The following PTN variants were observed in gnomAD, a reference collection of about 807,000 sequenced individuals.
PTN encodes the protein pleiotrophin.
Under a neutral mutation model 24.1 loss-of-function variants are expected in PTN, and 18 were observed. The ratio of observed to expected loss-of-function variants is 0.75; its 90% CI spans 0.52 to 1.11. The LOEUF (loss-of-function observed/expected upper bound fraction) is 1.11, where lower values mean the gene tolerates loss of function less well. Ranked by LOEUF, PTN falls within the 50% of genes least tolerant of loss-of-function variation. PTN has a pLI of 0.00. For missense variants in PTN, 163 were observed against 198.8 expected (o/e 0.82, Z 1.08); for synonymous variants, 78 against 68.6 (o/e 1.14, Z -0.67).
intron 3 of PTN, 116 bp downstream of exon 3, chr7:137,253,348 G>T: frequency 8.9e-7 from 1 of 1,127,136 alleles, no homozygotes; most frequent in Non-Finnish European, 1.2e-6. Context: ...GTCACTTTGT[G>T]TCTGGTAAGA....
At chr7:137,247,414 C>T (rs138024955) in intron 4 of PTN, among the ~76,000 whole-genome samples, 1 of 152,194 alleles carries the variant, frequency 6.6e-6, no homozygotes, top group Non-Finnish European at 1.5e-5. Flanking sequence ...ATAAGACAGG[C>T]ACAGAAAGAG....
chr7:137,283,122 G>A lies in PTN; in HGVS notation c.-1-28148C>T, dbSNP rs78169501. Among the ~76,000 whole-genome samples, 1,235 of 152,250 alleles carry A rather than the reference G, an allele frequency of 8.1e-3. 19 individuals are homozygous for A. Among genetic ancestry groups the A allele is most frequent in the African/African-American group, 0.028 (1,163 of 41,538 alleles). ...TCCCATCCCACAAGGTTCCCACACT[G>A]CTAGGAAGTGTCCACATGGGTACTA... is the stretch of plus-strand genomic sequence containing the variant. On this transcript the variant is annotated intron_variant, in intron 1 of 4. Transcript: ENST00000348225.
In PTN at chr7:137,254,920, C is replaced by T. The variant is rs1460642372; in HGVS notation, c.54G>A (p.Leu18=). Residue 18 remains leucine, a synonymous_variant, in exon 2 of 5, where the codon TTG becomes TTA. Coordinates refer to ENST00000348225, the MANE Select transcript of PTN (RefSeq NM_002825.7). ...CAGCTGCCAGTATGAAAATGAATGC[C>T]AAGAAGGCAGCTGCAAATTTTCGAC... ...QQRRKFAAAF[L]AFIFILAAVD... 6.3e-7 allele frequency: 1 copy of T among 1,581,734 alleles called. No homozygotes were observed. The highest frequency in any genetic ancestry group is 8.6e-7 in the Non-Finnish European group (1 of 1,156,252).
At chr7:137,324,071 CT>C (rs1324234126) in intron 1 of PTN, among the ~76,000 whole-genome samples, 1 of 152,016 alleles carries the variant, frequency 6.6e-6, no homozygotes, top group African/African-American at 2.4e-5. Flanking sequence ...GTTGTAGAGG[CT>C]GGTCTAGAAC....
At chr7:137,243,569 C>T (rs1585008584) in intron 4 of PTN, among the ~76,000 whole-genome samples, 1 of 152,170 alleles carries the variant, frequency 6.6e-6, no homozygotes, top group Non-Finnish European at 1.5e-5. Flanking sequence ...AGCTTCCCTT[C>T]TTGTGTTTAG....
intron 1 of PTN, among the ~76,000 whole-genome samples, chr7:137,303,881 C>T (rs983274033): frequency 6.6e-6 from 1 of 151,966 alleles, no homozygotes; most frequent in African/African-American, 2.4e-5. Flanking sequence ...CTTGCAAAGT[C>T]TGTAAGAAGT....
intron 4 of PTN, among the ~76,000 whole-genome samples, chr7:137,232,456 G>T (rs1450386874): frequency 6.6e-6 from 1 of 151,834 alleles, no homozygotes; most frequent in Non-Finnish European, 1.5e-5. Context: ...AACTTTGTGG[G>T]GGGTTTTTAA....
At chr7:137,269,339 G>A (rs1021408791) in intron 1 of PTN, among the ~76,000 whole-genome samples, 2 of 152,132 alleles carry the variant, frequency 1.3e-5, no homozygotes, top group African/African-American at 2.4e-5. Context: ...TCCTGCCCCA[G>A]AAGGGAGTCC....
intron 1 of PTN, among the ~76,000 whole-genome samples, chr7:137,330,187 T>C (rs1810328111): frequency 1.3e-5 from 2 of 151,958 alleles, no homozygotes; most frequent in South Asian, 2.1e-4. Context: ...CTTGGGAGAC[T>C]GAGGCAAGAG....
chr7:137,287,393 A>T (rs1220304041), intron 1 of PTN, among the ~76,000 whole-genome samples: 2 of 152,172 alleles, frequency 1.3e-5, no homozygotes, highest in Non-Finnish European at 2.9e-5. Context: ...TTGGTATGAC[A>T]TGGAGTTCCT....
At chr7:137,294,917 T>C (rs527283454) in intron 1 of PTN, among the ~76,000 whole-genome samples, 1 of 152,284 alleles carries the variant, frequency 6.6e-6, no homozygotes, top group South Asian at 2.1e-4. Flanking sequence ...TTAGAACTCA[T>C]GCTTTCAGAG....
At chr7:137,234,658 A>T (rs1027897055) in intron 4 of PTN, among the ~76,000 whole-genome samples, 3 of 152,118 alleles carry the variant, frequency 2.0e-5, no homozygotes, top group Non-Finnish European at 4.4e-5. Flanking sequence ...ACATCTGTTT[A>T]AAGATTGTTC....
At chr7:137,332,697 AT>A (rs1208553418) in intron 1 of PTN, among the ~76,000 whole-genome samples, 1 of 151,894 alleles carries the variant, frequency 6.6e-6, no homozygotes, top group Non-Finnish European at 1.5e-5. Context: ...AGAGAGGGCA[AT>A]TTTTTTTGTA....
At chr7:137,260,757 A>T (rs1179035299) in intron 1 of PTN, among the ~76,000 whole-genome samples, 2 of 152,160 alleles carry the variant, frequency 1.3e-5, no homozygotes, top group Non-Finnish European at 2.9e-5. Context: ...TCCCTTTGGT[A>T]AGAATGTAAA....
intron 4 of PTN, 49 bp downstream of exon 4, chr7:137,251,181 C>T: frequency 1.3e-6 from 2 of 1,592,614 alleles, no homozygotes; most frequent in Non-Finnish European, 8.6e-7. Context: ...CCAGATCTTA[C>T]CTGAGTCCAT....
chr7:137,265,112 T>C (rs992953186), intron 1 of PTN, among the ~76,000 whole-genome samples: 1 of 152,192 alleles, frequency 6.6e-6, no homozygotes, highest in Non-Finnish European at 1.5e-5. Flanking sequence ...GTAGTTTATC[T>C]AATTTATATT....
chr7:137,249,272 C>CGT (rs60014659), intron 4 of PTN, among the ~76,000 whole-genome samples: 38,438 of 145,148 alleles, frequency 0.26, 4,966 homozygotes, highest in Middle Eastern at 0.35. Context: ...GGACAGTGCA[C>CGT]GTGTGTGTGT....
chr7:137,333,902 T>C (rs991739083), intron 1 of PTN, among the ~76,000 whole-genome samples: 4 of 152,176 alleles, frequency 2.6e-5, no homozygotes, highest in African/African-American at 9.7e-5. Flanking sequence ...TCTATAACTA[T>C]CTGATCTTTG....
chr7:137,324,433 A>AAAAAAAATATATATATATATAT, intron 1 of PTN, among the ~76,000 whole-genome samples: 1 of 88,756 alleles, frequency 1.1e-5, no homozygotes, highest in African/African-American at 6.9e-5. Flanking sequence ...AAAAAAAAAA[A>AAAAAAAATATATATATATATAT]ATATATATAT....
Sources: gnomAD v4.1 joint callset for allele counts (sites outside exome capture counted in the v4.1 genomes callset) on GRCh38, gnomAD v4.1.1 for gene constraint, MANE v1.5 for transcripts, NCBI Gene and HGNC (gene_info 2026-07-23, HGNC 2026-07-21) for gene names.